The following DIAPH2 variants were observed in gnomAD, a reference collection of about 807,000 sequenced individuals.
The protein encoded by DIAPH2 is protein diaphanous homolog 2.
DIAPH2 carries 35 observed loss-of-function variants against 92.7 expected under a neutral mutation model. The observed-to-expected ratio is 0.38, with a 90% CI of 0.29 to 0.50. The LOEUF (loss-of-function observed/expected upper bound fraction) is 0.50, where lower values mean the gene tolerates loss of function less well. Among genes scored for constraint, DIAPH2 ranks in the 20% least tolerant of loss-of-function variants. The pLI is 0.94. For synonymous variants in DIAPH2, 301 were observed against 280.4 expected (o/e 1.07, Z -0.73); for missense variants, 701 against 819.5 (o/e 0.86, Z 1.77).
intron 26 of DIAPH2, among the ~76,000 whole-genome samples, chrX:97,434,652 C>T (rs1421063305): frequency 1.8e-5 from 2 of 110,339 alleles, no homozygotes; most frequent in South Asian, 3.9e-4. Context: ...CCTCATGATC[C>T]GCCCGCCTTG....
chrX:96,843,857 T>C (rs770627499), intron 4 of DIAPH2, among the ~76,000 whole-genome samples: 1 of 111,605 alleles, frequency 9.0e-6, no homozygotes, highest in East Asian at 2.8e-4. Context: ...AGGAAGCCTG[T>C]TTTACTGAAT....
At chrX:96,806,646 C>CAAAAAAAAAAAAAAAA (rs1234663626) in intron 4 of DIAPH2, among the ~76,000 whole-genome samples, 1 of 34,437 alleles carries the variant, frequency 2.9e-5, no homozygotes, top group Non-Finnish European at 4.4e-5. Context: ...AACTCCATCT[C>CAAAAAAAAAAAAAAAA]AAAAAAAAAA....
In DIAPH2 at chrX:97,017,378, A is replaced by T. The variant is rs182469551; in HGVS notation, c.2050+52171A>T. ...GATTATAAATAGTACATTAAGTGAA[A>T]GGTCATAAATACTGTAAAACTTCAA... is the stretch of plus-strand genomic sequence containing the variant. On this transcript the variant is annotated intron_variant, in intron 17 of 26. Coordinates refer to ENST00000324765, the MANE Select transcript of DIAPH2 (RefSeq NM_006729.5). Among the ~76,000 whole-genome samples the T allele has an allele frequency of 7.1e-5, 8 of 111,925 alleles. No individual in the cohort carries two copies. The East Asian group carries it at 2.2e-3, about 31-fold the overall frequency.
At chrX:96,829,165 C>CTA (rs2064834064) in intron 4 of DIAPH2, among the ~76,000 whole-genome samples, 1 of 111,267 alleles carries the variant, frequency 9.0e-6, no homozygotes, top group Non-Finnish European at 1.9e-5. Flanking sequence ...TCTGATAAAA[C>CTA]TATATATTGC....
chrX:97,204,931 G>T (rs1413178057), intron 22 of DIAPH2, among the ~76,000 whole-genome samples: 1 of 111,356 alleles, frequency 9.0e-6, no homozygotes, highest in Middle Eastern at 4.6e-3. Flanking sequence ...TATACTACAA[G>T]GCTGTAGTAA....
chrX:97,432,213 G>A (rs1443741586), intron 26 of DIAPH2, among the ~76,000 whole-genome samples: 1 of 111,835 alleles, frequency 8.9e-6, no homozygotes, highest in Non-Finnish European at 1.9e-5. Context: ...CATTACCATC[G>A]CTTATAGATG....
chrX:97,285,267 C>T (rs1192248151), intron 23 of DIAPH2, among the ~76,000 whole-genome samples: 4 of 105,741 alleles, frequency 3.8e-5, no homozygotes, highest in African/African-American at 3.5e-5. Flanking sequence ...GGGCCGGGCG[C>T]GGTGGCTCAT....
At chrX:96,793,138 A>G (rs1049100652) in intron 4 of DIAPH2, among the ~76,000 whole-genome samples, 3 of 112,180 alleles carry the variant, frequency 2.7e-5, no homozygotes, top group Admixed American at 1.9e-4. Flanking sequence ...ATATAGAGTA[A>G]TAATTTCAAG....
intron 22 of DIAPH2, among the ~76,000 whole-genome samples, chrX:97,185,482 T>TATATATATATATATATATACACAC (rs2067592504): frequency 1.2e-4 from 1 of 8,474 alleles, no homozygotes; most frequent in Non-Finnish European, 3.4e-4. Context: ...CACATATATA[T>TATATATATATATATATATACACAC]ATATATATAT....
intron 4 of DIAPH2, among the ~76,000 whole-genome samples, chrX:96,823,229 A>C (rs2064790162): frequency 9.0e-6 from 1 of 111,661 alleles, no homozygotes; most frequent in African/African-American, 3.2e-5. Flanking sequence ...CATGCCTAGC[A>C]ATTCCATTTC....
At chrX:97,415,110 C>G (rs2069928825) in intron 25 of DIAPH2, among the ~76,000 whole-genome samples, 1 of 112,271 alleles carries the variant, frequency 8.9e-6, no homozygotes, top group African/African-American at 3.2e-5. Flanking sequence ...AAATGCTCAT[C>G]ATCACTGGCC....
At chrX:96,758,407 A>G in intron 4 of DIAPH2, 149 bp downstream of exon 4, 1 of 348,844 alleles carries the variant, frequency 2.9e-6, no homozygotes, top group South Asian at 1.2e-4. Context: ...TTATACATTT[A>G]GTATTAAGTA....
chrX:97,322,980 A>G (rs1453089032), intron 23 of DIAPH2, among the ~76,000 whole-genome samples: 1 of 97,534 alleles, frequency 1.0e-5, no homozygotes, highest in Non-Finnish European at 2.0e-5. Context: ...ATCTCGGCTC[A>G]CTTCAACCTC....
At chrX:97,041,710 A>G (rs2066449751) in intron 17 of DIAPH2, among the ~76,000 whole-genome samples, 1 of 111,698 alleles carries the variant, frequency 9.0e-6, no homozygotes, top group African/African-American at 3.2e-5. Flanking sequence ...TACCTAAACC[A>G]AGCATTCCAA....
At chrX:97,466,094 C>T (rs1471956603) in intron 26 of DIAPH2, among the ~76,000 whole-genome samples, 1 of 111,901 alleles carries the variant, frequency 8.9e-6, no homozygotes, top group African/African-American at 3.3e-5. Context: ...TTTAACCAAA[C>T]TTTAGTATTA....
chrX:97,515,477 C>T (rs888462403), intron 26 of DIAPH2, among the ~76,000 whole-genome samples: 4 of 112,302 alleles, frequency 3.6e-5, no homozygotes, highest in Non-Finnish European at 7.5e-5. Context: ...TCTTCTGCGT[C>T]GCTCACGCTG....
At chrX:97,060,850 A>G (rs1025258148) in intron 17 of DIAPH2, among the ~76,000 whole-genome samples, 1 of 112,171 alleles carries the variant, frequency 8.9e-6, no homozygotes, top group African/African-American at 3.2e-5. Flanking sequence ...CTGTTATCCA[A>G]CAATTTTTTT....
chrX:97,015,286 A>C (rs1443319040), intron 17 of DIAPH2, among the ~76,000 whole-genome samples: 1 of 111,915 alleles, frequency 8.9e-6, no homozygotes, highest in Non-Finnish European at 1.9e-5. Flanking sequence ...GAACCAATTA[A>C]AAAGGCATTC....
chrX:97,424,491 A>G (rs918387128), intron 25 of DIAPH2, among the ~76,000 whole-genome samples: 1 of 111,636 alleles, frequency 9.0e-6, no homozygotes, highest in African/African-American at 3.3e-5. Flanking sequence ...ATCTAAAAAG[A>G]CTCCCAGTGG....
Sources: allele counts gnomAD v4.1 joint callset (sites outside exome capture counted in the v4.1 genomes callset), GRCh38; gene constraint gnomAD v4.1.1; transcripts MANE v1.5; gene names NCBI Gene and HGNC (gene_info 2026-07-23, HGNC 2026-07-21).